Variants in ISM1 observed in about 807,000 individuals in gnomAD.
ISM1 encodes the protein isthmin-1.
Under a neutral mutation model 46.3 loss-of-function variants are expected in ISM1, and 25 were observed. That is an observed-to-expected ratio of 0.54 (90% confidence interval 0.39 to 0.75). The LOEUF is 0.75. Among genes scored for constraint, ISM1 ranks in the 30% least tolerant of loss-of-function variants. The probability of loss-of-function intolerance (pLI) is 0.00; values close to 1 mark genes in which losing one functional copy is unlikely to be tolerated. For missense variants in ISM1, 536 were observed against 625.4 expected (o/e 0.86, Z 1.52); for synonymous variants, 255 against 256.7 (o/e 0.99, Z 0.06).
rs1021444778 is a variant in ISM1, at chr20:13,288,620, C to T, written c.724C>T (p.Arg242Trp). The change falls in exon 4 of 6, where the codon CGG (arginine) becomes TGG (tryptophan). Residue 242 changes from arginine (R) to tryptophan (W), a missense_variant. Physicochemically the swap from Arg to Trp is moderately radical, Grantham distance 101. Transcript: ENST00000262487. ...CGGGAACGGCAACCAGAAACGGACC[C>T]GGTCTTGTGGCTACGCGTGCACTGC... ...TCGNGNQKRT[R>W]SCGYACTATE... The T allele has an allele frequency of 4.3e-6, 7 of 1,613,846 alleles. No homozygotes were observed. The highest frequency in any genetic ancestry group is 4.0e-5 in the African/African-American group (3 of 74,908).
Position 13,221,796 on chromosome 20 carries a change from A to AGCTGCTGCTGCTGCTGGG in ISM1, c.33_50dup (p.Leu12_Leu17dup), listed in dbSNP as rs1600467784. On this transcript the variant is annotated inframe_insertion, in exon 1 of 6. Transcript: ENST00000262487. The stretch of plus-strand genomic sequence containing the variant: ...AAAAGGATGGTGCGCCTGGCGGCCG[A>AGCTGCTGCTGCTGCTGGG]GCTGCTGCTGCTGCTGGGGCTGCTG... 1 of 1,450,588 alleles carries AGCTGCTGCTGCTGCTGGG rather than the reference A, an allele frequency of 6.9e-7. No homozygotes were observed. Among genetic ancestry groups the AGCTGCTGCTGCTGCTGGG allele is most frequent in the Non-Finnish European group, 9.0e-7 (1 of 1,106,416 alleles). 89.9% of individuals were successfully genotyped at this position (1,450,588 alleles called of 1,614,324 possible).
At chr20:13,320,991 G>T in the ISM1 span, among the ~76,000 whole-genome samples, 2 of 151,976 alleles carry the variant, frequency 1.3e-5, no homozygotes, top group African/African-American at 4.8e-5. Context: ...TTGGGGTCAG[G>T]ATTTCGAGAC....
intron 3 of ISM1, among the ~76,000 whole-genome samples, chr20:13,280,399 C>T (rs115862077): frequency 7.5e-5 from 11 of 147,534 alleles, no homozygotes; most frequent in Admixed American, 5.4e-4. Context: ...TAACCCCCCC[C>T]CCCCAATACA....
chr20:13,257,243 G>A (rs772358952), intron 1 of ISM1, among the ~76,000 whole-genome samples: 13 of 152,256 alleles, frequency 8.5e-5, no homozygotes, highest in African/African-American at 2.6e-4. Context: ...GGCCAGGCTC[G>A]ATGGCTCATG....
chr20:13,270,532 C>T lies in ISM1; in HGVS notation c.167C>T (p.Thr56Ile), dbSNP rs1184563131. 6.2e-6 allele frequency: 10 copies of T among 1,613,504 alleles called. No individual in the cohort carries two copies. Among genetic ancestry groups the T allele is most frequent in the Non-Finnish European group, 8.5e-6 (10 of 1,179,752 alleles). ...AACCTCAACGTGGGAAGTGACACCA[C>T]ATCAGAAACCAGCTTTTCTCTCTCC... ...QNNLNVGSDT[T>I]SETSFSLSKE... The change falls in exon 2 of 6, where the codon ACA (threonine) becomes ATA (isoleucine). Residue 56 changes from threonine to isoleucine, a missense_variant. Transcript: ENST00000262487.
the ISM1 span, among the ~76,000 whole-genome samples, chr20:13,321,251 C>CAAAAAAAAAAAAAA: frequency 4.2e-5 from 1 of 23,694 alleles, no homozygotes; most frequent in Non-Finnish European, 7.1e-5. Flanking sequence ...ATGTGCCCCA[C>CAAAAAAAAAAAAAA]ATAAAAAAAA....
intron 4 of ISM1, among the ~76,000 whole-genome samples, chr20:13,292,145 CA>C (rs1015570945): frequency 2.0e-5 from 3 of 152,214 alleles, no homozygotes; most frequent in African/African-American, 7.2e-5. Context: ...AGGACTTATT[CA>C]GGCACATTTG....
At chr20:13,298,850 T>C in intron 5 of ISM1, 92 bp from the exon 6 acceptor site, 2 of 1,345,100 alleles carry the variant, frequency 1.5e-6, no homozygotes, top group Admixed American at 4.2e-5. Flanking sequence ...CTGCGGGCCC[T>C]CAGGAGCAGC....
chr20:13,250,165 G>A (rs1568670470), intron 1 of ISM1, among the ~76,000 whole-genome samples: 2 of 152,298 alleles, frequency 1.3e-5, no homozygotes, highest in African/African-American at 2.4e-5. Context: ...AAACGACCAC[G>A]TTGATAGGGT....
At chr20:13,221,949 G>A (rs2039454619) in intron 1 of ISM1, 35 bp downstream of exon 1, 1 of 1,308,560 alleles carries the variant, frequency 7.6e-7, no homozygotes, top group Non-Finnish European at 9.7e-7. Context: ...GTGCGCGGCT[G>A]CGGGGACGGT....
rs145500088 is a variant in ISM1 at position 13,263,673 on chromosome 20, G to A, written c.139-6831G>A. Among the ~76,000 whole-genome samples the A allele has an allele frequency of 5.9e-3, 905 of 152,328 alleles. 5 individuals are homozygous for A. The highest frequency in any genetic ancestry group is 0.014 in the Admixed American group (210 of 15,308). ...AAAGCCCCGAGTGTGTTTATTGTGG[G>A]TAGAAGAAAATGGAGTGTTTGAATG... On this transcript the variant is annotated intron_variant, in intron 1 of 5. Coordinates refer to ENST00000262487, the MANE Select transcript of ISM1 (RefSeq NM_080826.2).
the ISM1 span, among the ~76,000 whole-genome samples, chr20:13,313,254 C>T: frequency 1.3e-5 from 2 of 152,338 alleles, no homozygotes; most frequent in South Asian, 2.1e-4. Context: ...TCCCCCCACA[C>T]GCACCTGTTA....
Position 13,292,444 on chromosome 20 carries a change from C to T in ISM1, c.858C>T (p.Ala286=). The T allele has an allele frequency of 7.5e-6, 12 of 1,601,882 alleles. No homozygotes were observed. Among genetic ancestry groups the T allele is most frequent in the Non-Finnish European group, 1.0e-5 (12 of 1,173,424 alleles). Residue 286 remains alanine, a synonymous_variant, in exon 5 of 6, where the codon GCC becomes GCT. Coordinates refer to ENST00000262487, the MANE Select transcript of ISM1 (RefSeq NM_080826.2). ...TTGCGGGAAGCGAGGAGTTTAATGCCACCAAACTGTTTGAAGTTGGTAAGA... is the reference window on the plus strand; with the variant it reads ...TTGCGGGAAGCGAGGAGTTTAATGCTACCAAACTGTTTGAAGTTGGTAAGA... The part of the protein sequence containing the change: ...SLLAGSEEFN[A]TKLFEVDTDS...
At chr20:13,248,427 C>T (rs1257639770) in intron 1 of ISM1, among the ~76,000 whole-genome samples, 3 of 152,112 alleles carry the variant, frequency 2.0e-5, no homozygotes, top group Non-Finnish European at 4.4e-5. Context: ...CCAGAGGAAG[C>T]TATTTTTTTA....
chr20:13,315,019 A>T, the ISM1 span, among the ~76,000 whole-genome samples: 1 of 152,098 alleles, frequency 6.6e-6, no homozygotes, highest in African/African-American at 2.4e-5. Flanking sequence ...ACTGCTAAAA[A>T]AAAGTTTAAA....
chr20:13,236,428 C>T (rs940011102), intron 1 of ISM1, among the ~76,000 whole-genome samples: 1 of 152,098 alleles, frequency 6.6e-6, no homozygotes, highest in East Asian at 1.9e-4. Flanking sequence ...AGAAACAATT[C>T]GGTTGAGATT....
chr20:13,254,373 T>C (rs1349645996), intron 1 of ISM1, among the ~76,000 whole-genome samples: 1 of 152,198 alleles, frequency 6.6e-6, no homozygotes, highest in Non-Finnish European at 1.5e-5. Context: ...AGAAAATATT[T>C]GAATTCATAT....
the ISM1 span, among the ~76,000 whole-genome samples, chr20:13,309,711 CA>C: frequency 6.6e-6 from 1 of 151,886 alleles, no homozygotes; most frequent in Non-Finnish European, 1.5e-5. Context: ...AAGGCTCCAC[CA>C]AAAAGCTGAT....
the ISM1 span, among the ~76,000 whole-genome samples, chr20:13,311,243 T>TAGATAGATAGATGATAGATAGATGATA: frequency 7.8e-5 from 10 of 127,920 alleles, no homozygotes; most frequent in African/African-American, 2.7e-4. Flanking sequence ...GATAGATAGA[T>TAGATAGATAGATGATAGATAGATGATA]GATAGATAGA....
Sources: gnomAD v4.1 joint callset for allele counts (sites outside exome capture counted in the v4.1 genomes callset) on GRCh38, gnomAD v4.1.1 for gene constraint, MANE v1.5 for transcripts, NCBI Gene and HGNC (gene_info 2026-07-23, HGNC 2026-07-21) for gene names.